PCMTD2: variants seen among roughly 807,000 people sequenced by gnomAD.
PCMTD2 encodes protein-L-isoaspartate (D-aspartate) O-methyltransferase domain containing 2.
A neutral mutation model predicts 33.4 loss-of-function variants in PCMTD2; 16 were observed. The ratio of observed to expected loss-of-function variants is 0.48; its 90% CI spans 0.32 to 0.73. The LOEUF (loss-of-function observed/expected upper bound fraction) is 0.73. Ranked by LOEUF, PCMTD2 falls within the 30% of genes least tolerant of loss-of-function variation. The pLI is 0.03. For missense variants in PCMTD2, 374 were observed against 449.9 expected (o/e 0.83, Z 1.53); for synonymous variants, 161 against 160.8 (o/e 1.00, Z -0.01).
At chr20:64,259,583 T>C (rs901255279) in intron 1 of PCMTD2, among the ~76,000 whole-genome samples, 1 of 152,032 alleles carries the variant, frequency 6.6e-6, no homozygotes, top group African/African-American at 2.4e-5. Context: ...AGAGACGGGG[T>C]TTCACCATGT....
chr20:64,272,987 T>G (rs1177600467), intron 5 of PCMTD2, among the ~76,000 whole-genome samples: 1 of 152,246 alleles, frequency 6.6e-6, no homozygotes, highest in East Asian at 1.9e-4. Context: ...GCAATATTGC[T>G]TCCTTTCCCT....
intron 2 of PCMTD2, among the ~76,000 whole-genome samples, chr20:64,260,600 C>T (rs957035821): frequency 1.3e-5 from 2 of 151,906 alleles, no homozygotes; most frequent in Non-Finnish European, 2.9e-5. Flanking sequence ...TGTGATTTCT[C>T]GATTTAATTT....
rs745871218 is a variant in PCMTD2, at chr20:64,274,613, A to G, written c.*1013A>G. ...TCTGTGATCACATTAGTACTGATTC[A>G]TAGATTCTATCTTTTATAATTCTGG... On this transcript the variant is annotated 3_prime_UTR_variant, in exon 6 of 6. Coordinates refer to ENST00000308824, the MANE Select transcript of PCMTD2 (RefSeq NM_018257.3). The G allele has an allele frequency of 6.6e-6, 1 of 152,244 alleles. No individual in the cohort carries two copies. The highest frequency in any genetic ancestry group is 1.9e-4 in the East Asian group (1 of 5,202). 9.4% of individuals were successfully genotyped at this position (152,244 alleles called of 1,614,324 possible). A position where few individuals can be genotyped will look rare whatever the true frequency, so the allele number is the denominator to read the frequency against.
intron 2 of PCMTD2, among the ~76,000 whole-genome samples, chr20:64,262,365 C>T (rs1985458592): frequency 6.6e-6 from 1 of 152,068 alleles, no homozygotes; most frequent in African/African-American, 2.4e-5. Context: ...TTCCTGAATC[C>T]CCTGTTTACT....
At position 64,266,091 on chromosome 20, in the gene PCMTD2, T is replaced by A. The variant is rs189771632; in HGVS notation, c.582+662T>A. On this transcript the variant is annotated intron_variant, in intron 4 of 5. Coordinates refer to ENST00000308824, the MANE Select transcript of PCMTD2 (RefSeq NM_018257.3). ...AATTGTTTTAATAAAAATTTGGAGA[T>A]GAGATCTTGCTCTGTCATCCAGGCT... Among the ~76,000 whole-genome samples, 5 of 152,170 alleles carry A rather than the reference T, an allele frequency of 3.3e-5. No homozygotes were observed. The East Asian group carries it at 7.7e-4, about 24-fold the overall frequency.
intron 2 of PCMTD2, 52 bp from the exon 3 acceptor site, chr20:64,264,377 G>A (rs1985561069): frequency 2.3e-6 from 2 of 873,372 alleles, no homozygotes. Flanking sequence ...GAACAGATGA[G>A]CAAGAGTTCT....
intron 5 of PCMTD2, chr20:64,271,659 G>T (rs1200527638): frequency 6.5e-6 from 1 of 153,674 alleles, no homozygotes; most frequent in East Asian, 1.9e-4. Flanking sequence ...ATACTGAGAC[G>T]GTGAAATGGT....
chr20:64,268,088 A>G, intron 5 of PCMTD2, 78 bp downstream of exon 5: 1 of 1,101,808 alleles, frequency 9.1e-7, no homozygotes, highest in Non-Finnish European at 1.3e-6. Flanking sequence ...AACAAAATTT[A>G]CAACAAACCT....
chr20:64,266,303 G>C (rs1449143611), intron 4 of PCMTD2, among the ~76,000 whole-genome samples: 1 of 152,108 alleles, frequency 6.6e-6, no homozygotes, highest in Non-Finnish European at 1.5e-5. Flanking sequence ...TGTCGCCCAG[G>C]CTGGAGTGCA....
chr20:64,272,648 C>T (rs1424017551), intron 5 of PCMTD2, among the ~76,000 whole-genome samples: 2 of 152,180 alleles, frequency 1.3e-5, no homozygotes, highest in Non-Finnish European at 2.9e-5. Context: ...GTTGAAACCC[C>T]GTCTCTACTA....
At position 64,272,556 on chromosome 20, in the gene PCMTD2, C is replaced by T. The variant is rs73626475; in HGVS notation, c.707-665C>T. Among the ~76,000 whole-genome samples, 17 of 152,362 alleles carry T rather than the reference C, an allele frequency of 1.1e-4. No individual in the cohort carries two copies. The East Asian group carries it at 2.9e-3, about 26-fold the overall frequency. Reference sequence around the variant, plus strand: ...ATATTAGGCCGGGCACAGTGGCTCACGCCTCTAATCCCAGCGCTTTGGGAG... The same window carrying T: ...ATATTAGGCCGGGCACAGTGGCTCATGCCTCTAATCCCAGCGCTTTGGGAG... On this transcript the variant is annotated intron_variant, in intron 5 of 5. Coordinates refer to ENST00000308824, the MANE Select transcript of PCMTD2 (RefSeq NM_018257.3).
rs149618626 is a variant in PCMTD2, at chr20:64,273,333, C to T, written c.819C>T (p.Asn273=). 1 of 1,614,148 alleles carries T rather than the reference C, an allele frequency of 6.2e-7. No homozygotes were observed. ...GCAAAAACGGAAACGGACTAAAGAA[C>T]ACCCCCAGGTTTAAACGAAGGAGAG... ...TVSKNGNGLK[N]TPRFKRRRVR... Residue 273 remains asparagine (N), a synonymous_variant, in exon 6 of 6, where the codon AAC becomes AAT. Transcript: ENST00000308824.
At chr20:64,270,352 C>T (rs1601747092) in intron 5 of PCMTD2, among the ~76,000 whole-genome samples, 1 of 127,582 alleles carries the variant, frequency 7.8e-6, no homozygotes, top group Admixed American at 8.0e-5. Context: ...CACGGTGTGG[C>T]GTCGTGAGTT....
intron 2 of PCMTD2, among the ~76,000 whole-genome samples, chr20:64,261,341 G>A (rs1019694497): frequency 3.9e-5 from 6 of 152,168 alleles, no homozygotes; most frequent in Non-Finnish European, 7.3e-5. Flanking sequence ...CAGAGAAGCT[G>A]GAGTCTGTAT....
intron 1 of PCMTD2, chr20:64,259,686 G>A (rs899652401): frequency 6.8e-6 from 3 of 440,608 alleles, no homozygotes; most frequent in South Asian, 2.9e-5. Flanking sequence ...CACCGCACCC[G>A]GCCTAAATTT....
chr20:64,259,386 C>CTTTT (rs3076992), intron 1 of PCMTD2, among the ~76,000 whole-genome samples: 2 of 118,698 alleles, frequency 1.7e-5, no homozygotes, highest in East Asian at 2.2e-4. Flanking sequence ...TTTCTTTTCT[C>CTTTT]TTTTTTTTTT....
chr20:64,266,924 C>G (rs567461933), intron 4 of PCMTD2, among the ~76,000 whole-genome samples: 4 of 152,138 alleles, frequency 2.6e-5, no homozygotes, highest in East Asian at 1.9e-4. Context: ...ACTAGAAATT[C>G]TTTTAAAAAT....
In PCMTD2 at chr20:64,274,061, C is replaced by T. The variant is rs1020593017; in HGVS notation, c.*461C>T. 2 of 153,710 alleles carry T rather than the reference C, an allele frequency of 1.3e-5. No individual in the cohort carries two copies. The highest frequency in any genetic ancestry group is 4.8e-5 in the African/African-American group (2 of 41,526). 9.5% of individuals were successfully genotyped at this position (153,710 alleles called of 1,614,324 possible). ...AAAATCTTTTCTGGGTGTGACGCAC[C>T]TGCGTCCAAGTTTGAATTTTTATGA... On this transcript the variant is annotated 3_prime_UTR_variant, in exon 6 of 6. Transcript: ENST00000308824.
chr20:64,262,485 C>G (rs1444033067), intron 2 of PCMTD2: 1 of 152,406 alleles, frequency 6.6e-6, no homozygotes, highest in Non-Finnish European at 1.5e-5. Flanking sequence ...GAAGTGACTT[C>G]AGGGTTTGCT....
Sources: gnomAD v4.1 joint callset for allele counts (sites outside exome capture counted in the v4.1 genomes callset) on GRCh38, gnomAD v4.1.1 for gene constraint, MANE v1.5 for transcripts, NCBI Gene and HGNC (gene_info 2026-07-23, HGNC 2026-07-21) for gene names.